The following RPS6KA2 variants were observed in gnomAD, a reference collection of about 807,000 sequenced individuals.
RPS6KA2 encodes ribosomal protein S6 kinase A2.
RPS6KA2 carries 42 observed loss-of-function variants against 91.8 expected under a neutral mutation model. The ratio of observed to expected loss-of-function variants is 0.46; its 90% confidence interval spans 0.36 to 0.59. The LOEUF is 0.59. Among genes scored for constraint, RPS6KA2 ranks in the 20% least tolerant of loss-of-function variants. The pLI, the probability that RPS6KA2 is intolerant of heterozygous loss-of-function variation, is 0.00. For missense variants in RPS6KA2, 798 were observed against 978.5 expected (o/e 0.82, Z 2.46); for synonymous variants, 414 against 393.6 (o/e 1.05, Z -0.61).
chr6:166,598,936 G>A (rs761417867), intron 1 of RPS6KA2, among the ~76,000 whole-genome samples: 11 of 152,222 alleles, frequency 7.2e-5, no homozygotes, highest in Non-Finnish European at 1.3e-4. Flanking sequence ...AAACAGTGGG[G>A]TGTCCGATGC....
At chr6:166,659,646 A>G (rs1014661021) in intron 2 of RPS6KA2, among the ~76,000 whole-genome samples, 9 of 152,236 alleles carry the variant, frequency 5.9e-5, no homozygotes, top group Admixed American at 3.9e-4. Flanking sequence ...ATCTGGCACC[A>G]AGAACTCAGA....
At chr6:166,503,834 A>C (rs1782104057) in intron 6 of RPS6KA2, among the ~76,000 whole-genome samples, 1 of 152,238 alleles carries the variant, frequency 6.6e-6, no homozygotes, top group Non-Finnish European at 1.5e-5. Flanking sequence ...AAAATCTAGA[A>C]TAGATTAGCA....
At position 166,605,875 on chromosome 6, in the gene RPS6KA2, G is replaced by A. The variant is rs147835331; in HGVS notation, c.99+21046C>T. On this transcript the variant is annotated intron_variant, in intron 1 of 20. Coordinates refer to ENST00000265678, the MANE Select transcript of RPS6KA2 (RefSeq NM_021135.6). Reference sequence around the variant, plus strand: ...AGTGGTGGAGACATAAAGGCATTACGCTGCCCAGAGGCGCAGCAACCAAAA... The same window carrying A: ...AGTGGTGGAGACATAAAGGCATTACACTGCCCAGAGGCGCAGCAACCAAAA... Among the ~76,000 whole-genome samples, 569 of 152,286 alleles carry A rather than the reference G, an allele frequency of 3.7e-3. 2 individuals carry two copies. The highest frequency in any genetic ancestry group is 5.8e-3 in the Non-Finnish European group (393 of 68,014).
At position 166,537,971 on chromosome 6, in the gene RPS6KA2, T is replaced by C. The variant is rs115289049; in HGVS notation, c.216+697A>G. ...CATCTTGTTGTATGTGGACGTGGCA[T>C]TAAATGAAGAGCCAACTATTTCTCA... On this transcript the variant is annotated intron_variant, in intron 2 of 20. Coordinates refer to ENST00000265678, the MANE Select transcript of RPS6KA2 (RefSeq NM_021135.6). 4.4e-3 allele frequency among the ~76,000 whole-genome samples: 670 copies of C among 152,384 alleles called. 8 individuals carry two copies. Among genetic ancestry groups the C allele is most frequent in the African/African-American group, 0.015 (621 of 41,592 alleles).
At chr6:166,719,533 AAC>A (rs941706492) in intron 2 of RPS6KA2, among the ~76,000 whole-genome samples, 3 of 152,254 alleles carry the variant, frequency 2.0e-5, no homozygotes, top group Admixed American at 2.0e-4. Context: ...GCCTTTGAAC[AAC>A]ACATGTCTGT....
chr6:166,423,340 G>A lies in RPS6KA2; in HGVS notation c.1659C>T (p.Cys553=), dbSNP rs758410766. The A allele has an allele frequency of 1.4e-5, 23 of 1,614,004 alleles. No homozygotes were observed. The highest frequency in any genetic ancestry group is 5.3e-5 in the African/African-American group (4 of 74,942). The change falls in exon 17 of 21, where the codon TGC becomes TGT. Residue 553 remains cysteine, a synonymous_variant. Transcript: ENST00000265678. This position sits in a 1 kb window ranked among gnomAD's most constrained non-coding sequence, Gnocchi z 4.8. The stretch of plus-strand genomic sequence containing the variant: ...GCAGCTGCTTGGCAAAGCCGAAGTC[G>A]CAGACTCGGATGGATTCTGGGCTCC... ...ESGSPESIRV[C]DFGFAKQLRA...
chr6:166,647,883 CACAT>C (rs544667642), intron 2 of RPS6KA2, among the ~76,000 whole-genome samples: 29 of 146,526 alleles, frequency 2.0e-4, no homozygotes, highest in Non-Finnish European at 3.2e-4. Flanking sequence ...CATGCTGACA[CACAT>C]ACATACACAC....
At chr6:166,722,276 T>C (rs1790197628) in intron 2 of RPS6KA2, among the ~76,000 whole-genome samples, 2 of 152,162 alleles carry the variant, frequency 1.3e-5, no homozygotes, top group South Asian at 4.1e-4. Flanking sequence ...GCTTGGAGAC[T>C]GGAGATCCCA....
At chr6:166,623,482 G>A (rs927474510) in intron 1 of RPS6KA2, among the ~76,000 whole-genome samples, 1 of 152,190 alleles carries the variant, frequency 6.6e-6, no homozygotes, top group Admixed American at 6.5e-5. Context: ...TTAGGCAACT[G>A]GCATGGGTAA....
chr6:166,571,537 G>A (rs778740654), intron 1 of RPS6KA2, among the ~76,000 whole-genome samples: 27 of 152,220 alleles, frequency 1.8e-4, no homozygotes, highest in Non-Finnish European at 2.8e-4. Flanking sequence ...ACGCACATGC[G>A]CGTTCTAGCA....
chr6:166,608,619 C>A (rs1358528704), intron 1 of RPS6KA2, among the ~76,000 whole-genome samples: 1 of 152,154 alleles, frequency 6.6e-6, no homozygotes, highest in Non-Finnish European at 1.5e-5. Flanking sequence ...AAGCACTTGT[C>A]CCTGGGTACC....
At chr6:166,641,569 C>CA (rs1293032181) in intron 2 of RPS6KA2, among the ~76,000 whole-genome samples, 1 of 150,834 alleles carries the variant, frequency 6.6e-6, no homozygotes, top group African/African-American at 2.4e-5. Context: ...ACTAAAAATA[C>CA]AAAAATCAGC....
intron 2 of RPS6KA2, among the ~76,000 whole-genome samples, chr6:166,689,606 G>A (rs906058487): frequency 6.6e-6 from 1 of 152,200 alleles, no homozygotes; most frequent in African/African-American, 2.4e-5. Flanking sequence ...GTGGTCAGAG[G>A]TGATACCCCC....
At chr6:166,498,478 T>C (rs777332214) in intron 8 of RPS6KA2, 30 bp downstream of exon 8, 5 of 1,583,926 alleles carry the variant, frequency 3.2e-6, no homozygotes, top group East Asian at 2.3e-5. Flanking sequence ...ACAGCCGCCA[T>C]GGCACAGAAG....
chr6:166,550,802 A>G (rs527492034), intron 1 of RPS6KA2, among the ~76,000 whole-genome samples: 24 of 152,156 alleles, frequency 1.6e-4, no homozygotes, highest in East Asian at 9.7e-4. Context: ...GGAGATCGAC[A>G]CCATCCTGGC....
intron 2 of RPS6KA2, among the ~76,000 whole-genome samples, chr6:166,804,397 T>G (rs905860337): frequency 2.6e-5 from 4 of 151,998 alleles, no homozygotes; most frequent in Non-Finnish European, 5.9e-5. Context: ...TATTAAATAC[T>G]CAGTGGATTC....
chr6:166,571,782 G>T (rs747136000), intron 1 of RPS6KA2, among the ~76,000 whole-genome samples: 1 of 152,064 alleles, frequency 6.6e-6, no homozygotes, highest in Non-Finnish European at 1.5e-5. Flanking sequence ...ATGCCAGTGT[G>T]AGCGCAGCTT....
chr6:166,508,973 G>A lies in RPS6KA2; in HGVS notation c.380-691C>T, dbSNP rs1479384368. Among the ~76,000 whole-genome samples the A allele has an allele frequency of 2.0e-5, 3 of 152,226 alleles. No homozygotes were observed. Among genetic ancestry groups the A allele is most frequent in the Non-Finnish European group, 2.9e-5 (2 of 68,044 alleles). On this transcript the variant is annotated intron_variant, in intron 4 of 20. Coordinates refer to ENST00000265678, the MANE Select transcript of RPS6KA2 (RefSeq NM_021135.6). The surrounding 1 kb of genome is among the most constrained non-coding windows in gnomAD (Gnocchi z 4.3). ...AGAGAAGCCCGTCACCATCGCTGCTGTGACGATGGTTGCTGCAGTGGCACT... is the reference window on the plus strand; with the variant it reads ...AGAGAAGCCCGTCACCATCGCTGCTATGACGATGGTTGCTGCAGTGGCACT...
intron 1 of RPS6KA2, among the ~76,000 whole-genome samples, chr6:166,546,351 C>A (rs891200000): frequency 5.3e-5 from 8 of 152,128 alleles, no homozygotes; most frequent in African/African-American, 1.4e-4. Flanking sequence ...GGGCTGAATA[C>A]ATCTGTATTA....
Sources: gnomAD v4.1 joint callset for allele counts (sites outside exome capture counted in the v4.1 genomes callset) on GRCh38, gnomAD v4.1.1 for gene constraint, Gnocchi (gnomAD v3.1) non-coding constraint, MANE v1.5 for transcripts, NCBI Gene and HGNC (gene_info 2026-07-23, HGNC 2026-07-21) for gene names.